The following BPTF variants were observed in gnomAD, a reference collection of about 807,000 sequenced individuals.
BPTF encodes the protein nucleosome-remodeling factor subunit BPTF.
Under a neutral mutation model 292.5 loss-of-function variants are expected in BPTF, and 18 were observed. That is an observed-to-expected ratio of 0.06 (90% CI 0.04 to 0.09). The LOEUF is 0.09. Ranked by LOEUF, BPTF falls within the 10% of genes least tolerant of loss-of-function variation. The pLI is 1.00. For synonymous variants in BPTF, 1,225 were observed against 1,251.9 expected (o/e 0.98, Z 0.45); for missense variants, 2,726 against 3,498.7 (o/e 0.78, Z 5.57).
At chr17:67,930,863 G>A (rs2064318835) in intron 17 of BPTF, among the ~76,000 whole-genome samples, 1 of 151,944 alleles carries the variant, frequency 6.6e-6, no homozygotes, top group African/African-American at 2.4e-5. Flanking sequence ...GGTAAGGGAC[G>A]AGAATTGCTC....
In BPTF at chr17:67,983,221, G is replaced by C. The variant is rs1429100592; in HGVS notation, c.*933G>C. On this transcript the variant is annotated 3_prime_UTR_variant, in exon 28 of 28. Transcript: ENST00000306378. ...CCTTTGTGGGGAGGGAGGCCTGCAAGGTCATGAAAGGCAGAAGAGTCTAAT... is the reference window on the plus strand; with the variant it reads ...CCTTTGTGGGGAGGGAGGCCTGCAACGTCATGAAAGGCAGAAGAGTCTAAT... 6.6e-6 allele frequency: 1 copy of C among 152,632 alleles called. No individual in the cohort carries two copies. Among genetic ancestry groups the C allele is most frequent in the East Asian group, 1.9e-4 (1 of 5,200 alleles). 9.5% of individuals were successfully genotyped at this position (152,632 alleles called of 1,614,324 possible). A position where few individuals can be genotyped will look rare whatever the true frequency, so the allele number is the denominator to read the frequency against.
intron 18 of BPTF, among the ~76,000 whole-genome samples, chr17:67,933,892 C>G (rs1358989969): frequency 6.6e-6 from 1 of 151,460 alleles, no homozygotes; most frequent in Non-Finnish European, 1.5e-5. Flanking sequence ...AACCCCATCT[C>G]TACTAAAAAT....
intron 7 of BPTF, among the ~76,000 whole-genome samples, chr17:67,894,880 T>A (rs1375632838): frequency 6.6e-6 from 1 of 152,186 alleles, no homozygotes; most frequent in African/African-American, 2.4e-5. Context: ...CTTCAACAGA[T>A]GATTAAAAAG....
At chr17:67,896,501 A>G (rs2061465844) in intron 7 of BPTF, among the ~76,000 whole-genome samples, 1 of 152,212 alleles carries the variant, frequency 6.6e-6, no homozygotes, top group Non-Finnish European at 1.5e-5. Context: ...CCTTGAATCT[A>G]AAATAAAAAT....
At chr17:67,886,797 T>C (rs1329350780) in intron 4 of BPTF, among the ~76,000 whole-genome samples, 2 of 152,212 alleles carry the variant, frequency 1.3e-5, no homozygotes, top group East Asian at 3.8e-4. Context: ...AGAATCTTTT[T>C]GTGTTATGAA....
intron 1 of BPTF, among the ~76,000 whole-genome samples, chr17:67,830,006 G>A (rs754401657): frequency 6.6e-6 from 1 of 152,132 alleles, no homozygotes; most frequent in African/African-American, 2.4e-5. Flanking sequence ...AAATCACCTA[G>A]TTTTGCTTAA....
intron 4 of BPTF, among the ~76,000 whole-genome samples, chr17:67,881,006 C>T (rs1044385605): frequency 4.0e-5 from 6 of 151,548 alleles, no homozygotes; most frequent in Non-Finnish European, 7.4e-5. Flanking sequence ...ATATATATTT[C>T]AGGCTTTACT....
chr17:67,842,555 TAAAA>T (rs903401290), intron 1 of BPTF, among the ~76,000 whole-genome samples: 3 of 152,014 alleles, frequency 2.0e-5, no homozygotes, highest in Admixed American at 1.3e-4. Flanking sequence ...TTGTAGGAAA[TAAAA>T]AGAAAGGAGT....
chr17:67,843,754 C>CTTTTTTTTTTTTTTTTTTTTTTTTTTTT lies in BPTF; in HGVS notation c.614-10185_614-10158dup, dbSNP rs56335701. 6.4e-5 allele frequency among the ~76,000 whole-genome samples: 4 copies of CTTTTTTTTTTTTTTTTTTTTTTTTTTTT among 62,228 alleles called. 1 individual carries two copies. The highest frequency in any genetic ancestry group is 2.5e-4 in the African/African-American group (3 of 11,926). 40.8% of individuals were successfully genotyped at this position (62,228 alleles called of 152,430 possible). A position where few individuals can be genotyped will look rare whatever the true frequency, so the allele number is the denominator to read the frequency against. On this transcript the variant is annotated intron_variant, in intron 1 of 27. Transcript: ENST00000306378. ...TTTTTAAATTGTCTGGAGCAGTTGT[C>CTTTTTTTTTTTTTTTTTTTTTTTTTTTT]TTTTTTTTTTTTTTTTTTTTTTTTT... is the stretch of plus-strand genomic sequence containing the variant.
In BPTF at chr17:67,900,738, A is replaced by G. The variant is rs141964612; in HGVS notation, c.2544-3051A>G. Among the ~76,000 whole-genome samples, 5 of 152,224 alleles carry G rather than the reference A, an allele frequency of 3.3e-5. No homozygotes were observed. The East Asian group carries it at 9.7e-4, about 29-fold the overall frequency. The stretch of plus-strand genomic sequence containing the variant: ...GTTAATGTGCAAGAATACTGCACAC[A>G]GTAGCTCACGCCTGTAATCCCAACA... On this transcript the variant is annotated intron_variant, in intron 7 of 27. Coordinates refer to ENST00000306378, the MANE Select transcript of BPTF (RefSeq NM_182641.4).
In BPTF at chr17:67,940,501, G is replaced by T. The variant is rs1012381606; in HGVS notation, c.6322G>T (p.Ala2108Ser). Reference protein sequence around the residue: ...RGQPVSTAVSAPNTVSSTPGQ... With the variant: ...RGQPVSTAVSSPNTVSSTPGQ... ...GCAGCCTGTCTCCACTGCAGTCTCCGCCCCTAACACGGTTTCCTCAACACC... is the reference window on the plus strand; with the variant it reads ...GCAGCCTGTCTCCACTGCAGTCTCCTCCCCTAACACGGTTTCCTCAACACC... Residue 2108 changes from alanine to serine, a missense_variant, in exon 19 of 28, where the codon GCC becomes TCC. Around this residue, in one of 22 missense-constraint regions of BPTF, gnomAD observed 570 missense variants for 633.5 expected, o/e 0.90. Transcript: ENST00000306378. 34 of 1,613,862 alleles carry T rather than the reference G, an allele frequency of 2.1e-5. No homozygotes were observed. Among genetic ancestry groups the T allele is most frequent in the Non-Finnish European group, 2.9e-5 (34 of 1,180,018 alleles).
chr17:67,956,226 G>A (rs1555680942), intron 23 of BPTF: 1 of 149,726 alleles, frequency 6.7e-6, no homozygotes, highest in African/African-American at 2.4e-5. Context: ...GGCTGAGGCA[G>A]GAGAATGGCG....
intron 27 of BPTF, chr17:67,977,615 G>A (rs62086045): frequency 0.23 from 35,069 of 151,324 alleles, 4,620 homozygotes; most frequent in East Asian, 0.68. Flanking sequence ...AGGCCGAGGC[G>A]GGCGGATCAC....
intron 11 of BPTF, among the ~76,000 whole-genome samples, chr17:67,915,502 A>C (rs1427137473): frequency 6.6e-6 from 1 of 152,056 alleles, no homozygotes; most frequent in African/African-American, 2.4e-5. Context: ...TTAATCTTTT[A>C]TTTTGGTACA....
In BPTF at chr17:67,947,772, A is replaced by G; in HGVS notation, c.7664A>G (p.Lys2555Arg). 2 of 1,554,166 alleles carry G rather than the reference A, an allele frequency of 1.3e-6. No homozygotes were observed. Among genetic ancestry groups the G allele is most frequent in the Non-Finnish European group, 1.7e-6 (2 of 1,148,072 alleles). ...NAVIEHLKQK[K>R]SMTPAEREEN... ...GTAATAGAACATTTAAAACAGAAAA[A>G]GAGCATGACTCCAGCTGAAAGAGAA... is the stretch of plus-strand genomic sequence containing the variant. The change falls in exon 22 of 28, where the codon AAG (lysine) becomes AGG (arginine). Residue 2555 changes from lysine (K) to arginine (R), a missense_variant. Physicochemically the swap from Lys to Arg is conservative, Grantham distance 26. Coordinates refer to ENST00000306378, the MANE Select transcript of BPTF (RefSeq NM_182641.4).
chr17:67,881,319 G>T (rs1001538771), intron 4 of BPTF, among the ~76,000 whole-genome samples: 5 of 152,010 alleles, frequency 3.3e-5, no homozygotes, highest in Non-Finnish European at 7.4e-5. Flanking sequence ...TCTTTGGCAA[G>T]AATACTTTAT....
intron 7 of BPTF, among the ~76,000 whole-genome samples, chr17:67,899,561 T>C (rs2061682974): frequency 6.6e-6 from 1 of 150,422 alleles, no homozygotes. Context: ...AGACAGAATC[T>C]TGTTTGTCGC....
chr17:67,858,655 A>G (rs2058876672), intron 2 of BPTF, among the ~76,000 whole-genome samples: 1 of 151,950 alleles, frequency 6.6e-6, no homozygotes, highest in African/African-American at 2.4e-5. Flanking sequence ...TGTACTCTGT[A>G]TAGACATTCA....
At chr17:67,874,150 A>T (rs1309896427) in intron 3 of BPTF, among the ~76,000 whole-genome samples, 1 of 152,232 alleles carries the variant, frequency 6.6e-6, no homozygotes, top group South Asian at 2.1e-4. Context: ...ATTAATATCC[A>T]TGAGTGCGTA....
Sources: allele counts gnomAD v4.1 joint callset (sites outside exome capture counted in the v4.1 genomes callset), GRCh38; gene constraint gnomAD v4.1.1; regional missense constraint gnomAD v4.1.1; transcripts MANE v1.5; gene names NCBI Gene and HGNC (gene_info 2026-07-23, HGNC 2026-07-21).